The following ZNF606 variants were observed in gnomAD, a reference collection of about 807,000 sequenced individuals.
The protein encoded by ZNF606 is zinc finger protein 328.
ZNF606 carries 37 observed loss-of-function variants against 74.9 expected under a neutral mutation model. The observed-to-expected ratio is 0.49, with a 90% CI of 0.38 to 0.65. The LOEUF (loss-of-function observed/expected upper bound fraction) is 0.65. ZNF606 is among the 30% of genes least tolerant of loss of function. The pLI is 0.00. For synonymous variants in ZNF606, 328 were observed against 312.4 expected (o/e 1.05, Z -0.53); for missense variants, 852 against 952.9 (o/e 0.89, Z 1.39).
chr19:57,978,233 T>C lies in ZNF606; in HGVS notation c.*68A>G. On this transcript the variant is annotated 3_prime_UTR_variant, in exon 7 of 7. Coordinates refer to ENST00000551380, the MANE Select transcript of ZNF606 (RefSeq NM_001348022.3). The surrounding 1 kb of genome is among the most constrained non-coding windows in gnomAD (Gnocchi z 4.4). The stretch of plus-strand genomic sequence containing the variant: ...ACTCTTAATGAAAAATGTCCCCTCT[T>C]GATTATGTTTATAGGGTTTTCCTCA... 1 of 1,447,924 alleles carries C rather than the reference T, an allele frequency of 6.9e-7. No individual in the cohort carries two copies. 89.7% of individuals were successfully genotyped at this position (1,447,924 alleles called of 1,614,324 possible).
At chr19:57,989,952 T>C (rs1359493610) in intron 4 of ZNF606, among the ~76,000 whole-genome samples, 2 of 142,834 alleles carry the variant, frequency 1.4e-5, no homozygotes, top group East Asian at 4.2e-4. Context: ...CTTGGGAGGC[T>C]GAGGCAGGAG....
chr19:57,996,109 T>TA (rs2073338602), intron 4 of ZNF606, among the ~76,000 whole-genome samples: 1 of 152,300 alleles, frequency 6.6e-6, no homozygotes, highest in Admixed American at 6.5e-5. Flanking sequence ...TTTCAAACTG[T>TA]AAGCCCCATG....
intron 4 of ZNF606, 41 bp downstream of exon 4, chr19:57,999,767 C>A: frequency 6.3e-7 from 1 of 1,592,336 alleles, no homozygotes; most frequent in Non-Finnish European, 8.6e-7. Flanking sequence ...CCAGGGATAA[C>A]CTGGACATCA....
Position 57,978,188 on chromosome 19 carries a change from T to C in ZNF606, c.*113A>G, listed in dbSNP as rs1419675325. ...TAAGATGATATTTTCTAGTAAATAA[T>C]GTGGGAGAAGTCTTACTGAACTCTT... On this transcript the variant is annotated 3_prime_UTR_variant, in exon 7 of 7. Transcript: ENST00000551380. This position sits in a 1 kb window ranked among gnomAD's most constrained non-coding sequence, Gnocchi z 4.4. The C allele has an allele frequency of 1.9e-6, 2 of 1,056,210 alleles. No homozygotes were observed. The allele number at this position is 1,056,210 out of a possible 1,614,324, so 65.4% of individuals were successfully genotyped here.
At chr19:57,993,079 G>T (rs2123319750) in intron 4 of ZNF606, among the ~76,000 whole-genome samples, 1 of 152,270 alleles carries the variant, frequency 6.6e-6, no homozygotes, top group Non-Finnish European at 1.5e-5. Context: ...ACGCAAGCAG[G>T]GGTCAGAGTG....
Position 57,978,544 on chromosome 19 carries a change from T to C in ZNF606, c.2136A>G (p.Glu712=). The C allele has an allele frequency of 6.2e-7, 1 of 1,614,158 alleles. No individual in the cohort carries two copies. Among genetic ancestry groups the C allele is most frequent in the Middle Eastern group, 1.6e-4 (1 of 6,062 alleles). Residue 712 remains glutamate (E), a synonymous_variant, in exon 7 of 7, where the codon GAA becomes GAG. Coordinates refer to ENST00000551380, the MANE Select transcript of ZNF606 (RefSeq NM_001348022.3). This position sits in a 1 kb window ranked among gnomAD's most constrained non-coding sequence, Gnocchi z 4.4. ...AACTCTCATTAAATGCTTTCCCACATTCATTACACCTGTATGGTTTCTCTC... is the reference window on the plus strand; with the variant it reads ...AACTCTCATTAAATGCTTTCCCACACTCATTACACCTGTATGGTTTCTCTC... ...HTGEKPYRCN[E]CGKAFNESSS...
rs771680526 is a variant in ZNF606, at chr19:58,001,260, G to A, written c.31+29C>T. Reference sequence around the variant, plus strand: ...GACTGCAGCAGCTAATGATAGGGGAGGCCCAGGAGAAACACAACTTGGACT... The same window carrying A: ...GACTGCAGCAGCTAATGATAGGGGAAGCCCAGGAGAAACACAACTTGGACT... On this transcript the variant is annotated intron_variant, in intron 2 of 6. Coordinates refer to ENST00000551380, the MANE Select transcript of ZNF606 (RefSeq NM_001348022.3). 4 of 1,613,790 alleles carry A rather than the reference G, an allele frequency of 2.5e-6. No individual in the cohort carries two copies. In the South Asian group the frequency reaches 4.4e-5, roughly 18 times the overall value.
intron 6 of ZNF606, among the ~76,000 whole-genome samples, chr19:57,980,719 C>T (rs2073074315): frequency 6.6e-6 from 1 of 151,808 alleles, no homozygotes; most frequent in Non-Finnish European, 1.5e-5. Flanking sequence ...CCTGTAGTCC[C>T]AGCTGCTCAG....
chr19:57,980,827 A>G (rs1450404865), intron 6 of ZNF606, among the ~76,000 whole-genome samples: 1 of 103,412 alleles, frequency 9.7e-6, no homozygotes, highest in Admixed American at 1.1e-4. Context: ...AGAGCGATAC[A>G]CCGTCTCAAA....
intron 3 of ZNF606, 51 bp from the exon 4 acceptor site, chr19:57,999,947 A>C (rs1600229246): frequency 9.7e-5 from 152 of 1,566,542 alleles, no homozygotes; most frequent in Non-Finnish European, 1.1e-4. Context: ...CCAGGAGCTC[A>C]CCTTTTCTTC....
intron 4 of ZNF606, among the ~76,000 whole-genome samples, chr19:57,995,381 T>C (rs533164805): frequency 6.6e-6 from 1 of 152,040 alleles, no homozygotes; most frequent in East Asian, 1.9e-4. Flanking sequence ...AAAGAAACTA[T>C]GAACACAGAG....
chr19:58,001,407 T>C, intron 1 of ZNF606, 37 bp from the exon 2 acceptor site: 1 of 1,544,018 alleles, frequency 6.5e-7, no homozygotes, highest in Non-Finnish European at 8.9e-7. Context: ...AACTAGTCCT[T>C]TCTCACAGAA....
intron 2 of ZNF606, 26 bp downstream of exon 2, chr19:58,001,263 C>A: frequency 1.2e-6 from 2 of 1,613,828 alleles, no homozygotes; most frequent in Admixed American, 3.3e-5. Context: ...TAGGGGAGGC[C>A]CAGGAGAAAC....
chr19:57,983,759 T>C (rs1254663090), intron 6 of ZNF606, among the ~76,000 whole-genome samples: 1 of 152,056 alleles, frequency 6.6e-6, no homozygotes, highest in Non-Finnish European at 1.5e-5. Context: ...ACAGACTGAC[T>C]AGTCACTCAG....
intron 4 of ZNF606, among the ~76,000 whole-genome samples, chr19:57,993,871 C>T (rs1243067633): frequency 1.3e-5 from 2 of 152,100 alleles, no homozygotes; most frequent in African/African-American, 2.4e-5. Context: ...GAGCACAGAG[C>T]GGAGTGGAAG....
chr19:58,000,331 CCT>C, intron 3 of ZNF606: 1 of 519,592 alleles, frequency 1.9e-6, no homozygotes, highest in South Asian at 3.0e-5. Flanking sequence ...ACGCCATTCT[CCT>C]GCCTCAGCCT....
In ZNF606 at chr19:57,980,159, A is replaced by C; in HGVS notation, c.521T>G (p.Leu174Ter). ...YIWDDPWFSR[L>*]EVLGCKDQLE... ...TTGGTCTTTACATCCCAAAACTTCTAACCTGGAGAACCAAGGATCATCCCA... is the reference window on the plus strand; with the variant it reads ...TTGGTCTTTACATCCCAAAACTTCTCACCTGGAGAACCAAGGATCATCCCA... The change falls in exon 7 of 7, where the codon TTA becomes TGA. Residue 174 changes from leucine (L) to a stop codon, truncating the protein, a stop_gained. Transcript: ENST00000551380. LOFTEE classifies it high-confidence loss of function. The C allele has an allele frequency of 6.2e-7, 1 of 1,614,144 alleles. No individual in the cohort carries two copies. The highest frequency in any genetic ancestry group is 8.5e-7 in the Non-Finnish European group (1 of 1,180,022).
chr19:57,979,411 A>T lies in ZNF606; in HGVS notation c.1269T>A (p.Thr423=), dbSNP rs1400493969. ...TATCACATTCATAGGGTTTTTCTCC[A>T]GTATGAGTTTTCTTATGTTGAATAA... ...SYLIQHKKTH[T]GEKPYECDKC... Residue 423 remains threonine, a synonymous_variant, in exon 7 of 7, where the codon ACT becomes ACA. Transcript: ENST00000551380. 6.2e-7 allele frequency: 1 copy of T among 1,613,874 alleles called. No homozygotes were observed. The highest frequency in any genetic ancestry group is 8.5e-7 in the Non-Finnish European group (1 of 1,179,942).
chr19:57,999,455 TTCACAGCAG>T (rs2073383844), intron 4 of ZNF606: 1 of 365,830 alleles, frequency 2.7e-6, no homozygotes, highest in Non-Finnish European at 4.9e-6. Context: ...CCTTGTTCCC[TTCACAGCAG>T]GCACAGCAGG....
Sources: gnomAD v4.1 joint callset for allele counts (sites outside exome capture counted in the v4.1 genomes callset) on GRCh38, gnomAD v4.1.1 for gene constraint, Gnocchi (gnomAD v3.1) non-coding constraint, MANE v1.5 for transcripts, NCBI Gene and HGNC (gene_info 2026-07-23, HGNC 2026-07-21) for gene names.